Variants in IQCM observed in about 807,000 individuals in gnomAD.
IQCM encodes IQ domain-containing protein M.
A neutral mutation model predicts 57.6 loss-of-function variants in IQCM; 45 were observed. That is an observed-to-expected ratio of 0.78 (90% CI 0.62 to 1.00). The LOEUF (loss-of-function observed/expected upper bound fraction) is 1.00, where lower values mean the gene tolerates loss of function less well. IQCM is among the 50% of genes least tolerant of loss of function. IQCM has a pLI of 0.00. For missense variants in IQCM, 468 were observed against 511.6 expected, an observed-to-expected ratio of 0.91 and a Z score of 0.82; for synonymous variants, 148 against 158.9, an observed-to-expected ratio of 0.93 and a Z score of 0.51.
chr4:149,555,784 A>G (rs1386035461), intron 10 of IQCM, among the ~76,000 whole-genome samples: 2 of 152,206 alleles, frequency 1.3e-5, no homozygotes, highest in Non-Finnish European at 2.9e-5. Flanking sequence ...TGCTACTTGG[A>G]CAGATGATGT....
At chr4:149,465,597 T>A (rs549597944) in intron 12 of IQCM, among the ~76,000 whole-genome samples, 1 of 152,260 alleles carries the variant, frequency 6.6e-6, no homozygotes, top group East Asian at 1.9e-4. Flanking sequence ...TGAAGGTGCC[T>A]TTGAGAGAAA....
chr4:149,687,125 T>G (rs1762597138), intron 5 of IQCM, among the ~76,000 whole-genome samples: 1 of 151,604 alleles, frequency 6.6e-6, no homozygotes, highest in South Asian at 2.1e-4. Flanking sequence ...AGCTACTAGC[T>G]CAGATATATT....
intron 13 of IQCM, among the ~76,000 whole-genome samples, chr4:149,382,859 T>G (rs909573975): frequency 2.0e-5 from 3 of 152,096 alleles, no homozygotes; most frequent in Non-Finnish European, 4.4e-5. Context: ...ATACATCAGT[T>G]AGAATAATGA....
At chr4:149,651,318 T>A (rs1210590312) in intron 7 of IQCM, among the ~76,000 whole-genome samples, 1 of 152,116 alleles carries the variant, frequency 6.6e-6, no homozygotes, top group South Asian at 2.1e-4. Context: ...AGATGAGGAA[T>A]CTCACAGATA....
intron 2 of IQCM, among the ~76,000 whole-genome samples, chr4:149,744,769 A>G (rs1488696152): frequency 6.6e-6 from 1 of 152,006 alleles, no homozygotes; most frequent in Non-Finnish European, 1.5e-5. Flanking sequence ...TAATGCATCC[A>G]TCAATTAATA....
chr4:149,725,534 CA>C (rs1765813182), intron 5 of IQCM, among the ~76,000 whole-genome samples: 1 of 152,158 alleles, frequency 6.6e-6, no homozygotes, highest in South Asian at 2.1e-4. Flanking sequence ...TTCCTAGTAG[CA>C]TGTCTCTGAC....
intron 8 of IQCM, among the ~76,000 whole-genome samples, chr4:149,603,105 A>G (rs1028615875): frequency 2.6e-5 from 4 of 152,158 alleles, no homozygotes; most frequent in African/African-American, 9.6e-5. Context: ...TATTGCTGTC[A>G]TTTATTTCAT....
At chr4:149,549,213 A>T (rs562780737) in intron 11 of IQCM, among the ~76,000 whole-genome samples, 5 of 152,332 alleles carry the variant, frequency 3.3e-5, no homozygotes, top group African/African-American at 1.2e-4. Context: ...AAGGAGTTAG[A>T]TAATGAGCAA....
chr4:149,419,455 C>G (rs1177291225), intron 13 of IQCM, among the ~76,000 whole-genome samples: 2 of 152,066 alleles, frequency 1.3e-5, no homozygotes, highest in Non-Finnish European at 2.9e-5. Context: ...AAAATTGAAA[C>G]TGGATGCCTT....
intron 13 of IQCM, among the ~76,000 whole-genome samples, chr4:149,414,328 C>G (rs528341165): frequency 1.3e-5 from 2 of 152,066 alleles, no homozygotes; most frequent in Non-Finnish European, 2.9e-5. Context: ...TGATTTTGCC[C>G]AAAACCGATG....
In IQCM at chr4:149,682,168, T is replaced by G. The variant is rs112919954; in HGVS notation, c.515A>C (p.His172Pro). 2.4e-6 allele frequency: 3 copies of G among 1,226,500 alleles called. No individual in the cohort carries two copies. In the African/African-American group the frequency reaches 4.7e-5, roughly 19 times the overall value. The allele number at this position is 1,226,500 out of a possible 1,614,324, so 76.0% of individuals were successfully genotyped here. ...MLELLYPFPV[H>P]LYLQPGTSNL... ...AGAGGTCCCAGGTTGTAAGTAAAGA[T>G]GGACAGGAAAGGGATAGAGTAATTC... Residue 172 changes from histidine (H) to proline (P), a missense_variant, in exon 7 of 14, where the codon CAT becomes CCT. Coordinates refer to ENST00000636793, the MANE Select transcript of IQCM (RefSeq NM_001363507.2).
At chr4:149,408,521 A>C (rs1423478982) in intron 13 of IQCM, among the ~76,000 whole-genome samples, 1 of 152,186 alleles carries the variant, frequency 6.6e-6, no homozygotes, top group Non-Finnish European at 1.5e-5. Context: ...AGGCAATTTT[A>C]AGAAACAGCT....
chr4:149,494,831 T>C (rs944636958), intron 12 of IQCM, among the ~76,000 whole-genome samples: 2 of 152,074 alleles, frequency 1.3e-5, no homozygotes, highest in Admixed American at 6.6e-5. Flanking sequence ...ACAGTAGTCA[T>C]GGGAGGACTT....
intron 13 of IQCM, among the ~76,000 whole-genome samples, chr4:149,406,784 T>C (rs568329692): frequency 6.6e-6 from 1 of 152,304 alleles, no homozygotes. Context: ...GTTAGTTATC[T>C]AGATAATTAA....
intron 2 of IQCM, among the ~76,000 whole-genome samples, chr4:149,752,015 G>T (rs1768495064): frequency 1.3e-5 from 2 of 152,062 alleles, no homozygotes; most frequent in African/African-American, 4.8e-5. Context: ...ATTCTGTAAA[G>T]AATTAAAACA....
At chr4:149,700,404 C>G (rs1025558863) in intron 5 of IQCM, among the ~76,000 whole-genome samples, 2 of 151,680 alleles carry the variant, frequency 1.3e-5, no homozygotes, top group African/African-American at 4.8e-5. Context: ...TATCAGGTCA[C>G]CCCCCCACAC....
chr4:149,473,246 G>T (rs564185054), intron 12 of IQCM, among the ~76,000 whole-genome samples: 1 of 152,162 alleles, frequency 6.6e-6, no homozygotes, highest in South Asian at 2.1e-4. Context: ...CTAATATCCA[G>T]AATCTACAAA....
rs184640143 is a variant in IQCM, at chr4:149,729,024, C to T, written c.385+4220G>A. On this transcript the variant is annotated intron_variant, in intron 5 of 13. Transcript: ENST00000636793. ...AGTAATAGAGCAGGTATAGGATAAC[C>T]TCAGTAAAAACTCCATTAGTGAAAG... 2.0e-4 allele frequency among the ~76,000 whole-genome samples: 31 copies of T among 152,292 alleles called. No individual in the cohort carries two copies. In the East Asian group the frequency reaches 5.4e-3, roughly 27 times the overall value.
At chr4:149,602,615 C>T (rs1014554072) in intron 8 of IQCM, among the ~76,000 whole-genome samples, 2 of 151,884 alleles carry the variant, frequency 1.3e-5, no homozygotes, top group South Asian at 2.1e-4. Context: ...TCCATAACCC[C>T]TGATGTCTTC....
Sources: allele counts gnomAD v4.1 joint callset (sites outside exome capture counted in the v4.1 genomes callset), GRCh38; gene constraint gnomAD v4.1.1; transcripts MANE v1.5; gene names NCBI Gene and HGNC (gene_info 2026-07-23, HGNC 2026-07-21).